The following NSD3 variants were observed in gnomAD, a reference collection of about 807,000 sequenced individuals.
The protein encoded by NSD3 is histone-lysine N-methyltransferase NSD3.
NSD3 carries 24 observed loss-of-function variants against 160.8 expected under a neutral mutation model. That is an observed-to-expected ratio of 0.15 (90% CI 0.11 to 0.21). The LOEUF is 0.21. NSD3 is among the 10% of genes least tolerant of loss of function. NSD3 has a pLI of 1.00. For missense variants in NSD3, 1,157 were observed against 1,735.9 expected, an observed-to-expected ratio of 0.67 and a Z score of 5.93; for synonymous variants, 520 against 600.0, an observed-to-expected ratio of 0.87 and a Z score of 1.95.
intron 6 of NSD3, among the ~76,000 whole-genome samples, chr8:38,327,592 A>C (rs951619436): frequency 2.0e-5 from 3 of 152,198 alleles, no homozygotes; most frequent in African/African-American, 7.2e-5. Flanking sequence ...CTAGGTGATA[A>C]ATGTCACTAA....
intron 1 of NSD3, among the ~76,000 whole-genome samples, chr8:38,367,906 G>C (rs553784192): frequency 6.6e-6 from 1 of 152,210 alleles, no homozygotes; most frequent in Non-Finnish European, 1.5e-5. Flanking sequence ...AAGGAATCAA[G>C]GTGTGTTAGA....
Position 38,318,999 on chromosome 8 carries a change from C to A in NSD3, c.1810-59G>T. 7.0e-7 allele frequency: 1 copy of A among 1,424,084 alleles called. No homozygotes were observed. Among genetic ancestry groups the A allele is most frequent in the Non-Finnish European group, 9.7e-7 (1 of 1,027,208 alleles). 88.2% of individuals were successfully genotyped at this position (1,424,084 alleles called of 1,614,324 possible). On this transcript the variant is annotated intron_variant, in intron 8 of 23. Transcript: ENST00000317025. This position sits in a 1 kb window ranked among gnomAD's most constrained non-coding sequence, Gnocchi z 5.3. ...AATTTTTTTCCCTTTTAATTATTAA[C>A]AGAGGGAAAAGATACTTTCATCAAT... is the stretch of plus-strand genomic sequence containing the variant.
chr8:38,277,743 A>T (rs1252603262), intron 22 of NSD3, among the ~76,000 whole-genome samples: 1 of 152,176 alleles, frequency 6.6e-6, no homozygotes, highest in African/African-American at 2.4e-5. Flanking sequence ...AAAAGTTTTA[A>T]ATTAGCTTTT....
At chr8:38,380,778 T>C (rs767196702) in intron 1 of NSD3, 3 of 152,240 alleles carry the variant, frequency 2.0e-5, no homozygotes, top group African/African-American at 4.8e-5. Context: ...ACAGTCTGAA[T>C]TGGCCCCTTC....
At chr8:38,291,474 A>G (rs995510155) in intron 16 of NSD3, among the ~76,000 whole-genome samples, 2 of 152,224 alleles carry the variant, frequency 1.3e-5, no homozygotes, top group Non-Finnish European at 2.9e-5. Flanking sequence ...TATGCTTAAT[A>G]AAACAATTTT....
chr8:38,373,379 C>T (rs775078488), intron 1 of NSD3, among the ~76,000 whole-genome samples: 3 of 152,216 alleles, frequency 2.0e-5, no homozygotes, highest in Admixed American at 6.5e-5. Context: ...TGTGCCACCA[C>T]GCCTAATTTT....
At position 38,299,556 on chromosome 8, in the gene NSD3, G is replaced by A. The variant is rs1389535727; in HGVS notation, c.2646C>T (p.Phe882=). Residue 882 remains phenylalanine (F), a synonymous_variant, in exon 15 of 24, where the codon TTC becomes TTT. Coordinates refer to ENST00000317025, the MANE Select transcript of NSD3 (RefSeq NM_023034.2). The part of the protein sequence containing the change: ...LIVQDHSDPM[F]SSYAYKSHYL... ...AGTGGGACTTATAGGCATATGAACT[G>A]AACATGGGGTCTGAATGGTCCTGAA... 1 of 1,612,718 alleles carries A rather than the reference G, an allele frequency of 6.2e-7. No individual in the cohort carries two copies.
chr8:38,281,359 C>G (rs2130984768), intron 20 of NSD3, 108 bp downstream of exon 20: 1 of 530,008 alleles, frequency 1.9e-6, no homozygotes, highest in African/African-American at 1.9e-5. Flanking sequence ...AATCATTATG[C>G]TCTGCCTGAA....
intron 1 of NSD3, among the ~76,000 whole-genome samples, chr8:38,366,200 T>G (rs554411469): frequency 1.5e-4 from 23 of 152,004 alleles, no homozygotes; most frequent in Non-Finnish European, 3.1e-4. Flanking sequence ...AGTCTGCTAG[T>G]AATTGCACTG....
At chr8:38,339,858 A>T (rs1022535844) in intron 2 of NSD3, among the ~76,000 whole-genome samples, 7 of 152,188 alleles carry the variant, frequency 4.6e-5, no homozygotes, top group Non-Finnish European at 7.3e-5. Flanking sequence ...CTATAGAAAT[A>T]TCCAAAACAA....
At chr8:38,342,137 G>A (rs1353403961) in intron 2 of NSD3, among the ~76,000 whole-genome samples, 1 of 152,154 alleles carries the variant, frequency 6.6e-6, no homozygotes, top group Non-Finnish European at 1.5e-5. Flanking sequence ...AGGGAGCGAA[G>A]GATGCCCAAG....
At chr8:38,338,667 A>G in intron 2 of NSD3, 60 bp from the exon 3 acceptor site, 12 of 1,271,282 alleles carry the variant, frequency 9.4e-6, no homozygotes, top group Non-Finnish European at 1.4e-5. Context: ...AACAAACAAA[A>G]AACAGTGACA....
chr8:38,322,426 G>A lies in NSD3; in HGVS notation c.1709-1254C>T, dbSNP rs1166385433. On this transcript the variant is annotated intron_variant, in intron 7 of 23. Coordinates refer to ENST00000317025, the MANE Select transcript of NSD3 (RefSeq NM_023034.2). ...ATATGCTACCCTCCCAGACCAACCT[G>A]AGGATCCGAGATCCATACTTTAGTA... Among the ~76,000 whole-genome samples the A allele has an allele frequency of 3.3e-5, 5 of 152,094 alleles. No individual in the cohort carries two copies. The East Asian group carries it at 5.8e-4, about 18-fold the overall frequency.
chr8:38,369,353 T>A (rs1207554065), intron 1 of NSD3, among the ~76,000 whole-genome samples: 2 of 152,180 alleles, frequency 1.3e-5, no homozygotes, highest in African/African-American at 4.8e-5. Context: ...GAAGTAAAAT[T>A]GGACTGGAAA....
At chr8:38,357,103 A>C (rs1265487136) in intron 1 of NSD3, among the ~76,000 whole-genome samples, 5 of 143,302 alleles carry the variant, frequency 3.5e-5, no homozygotes, top group Admixed American at 2.8e-4. Context: ...TGGGTGACAA[A>C]GCAAGACACC....
At chr8:38,284,812 T>C (rs538856466) in intron 19 of NSD3, among the ~76,000 whole-genome samples, 1 of 152,360 alleles carries the variant, frequency 6.6e-6, no homozygotes, top group East Asian at 1.9e-4. Context: ...TTTGTGACTT[T>C]AAAAGCTTGA....
rs1341789304 is a variant in NSD3 at position 38,304,640 on chromosome 8, C to T, written c.2558G>A (p.Arg853Gln). 2.6e-5 allele frequency: 42 copies of T among 1,613,522 alleles called. No individual in the cohort carries two copies. The highest frequency in any genetic ancestry group is 3.2e-5 in the Non-Finnish European group (38 of 1,179,808). The change falls in exon 14 of 24, where the codon CGG becomes CAG. Residue 853 changes from arginine to glutamine, a missense_variant. By Grantham distance (43) the Arg-to-Gln change is conservative. Transcript: ENST00000317025. Reference protein sequence around the residue: ...YILICSNHSKRSSNSSAVNVG... With the variant: ...YILICSNHSKQSSNSSAVNVG... The stretch of plus-strand genomic sequence containing the variant: ...ATTTACAGCAGAAGAATTACTGCTC[C>T]GTTTGGAATGATTACTACAGATGAG...
intron 5 of NSD3, among the ~76,000 whole-genome samples, chr8:38,330,354 ATGCATG>A (rs1470548265): frequency 6.6e-6 from 1 of 152,180 alleles, no homozygotes; most frequent in Non-Finnish European, 1.5e-5. Context: ...TTGAACCACA[ATGCATG>A]CAGGGACAGA....
chr8:38,354,903 C>T (rs1810787248), intron 1 of NSD3, among the ~76,000 whole-genome samples: 1 of 152,118 alleles, frequency 6.6e-6, no homozygotes. Flanking sequence ...ATTAAGAGGG[C>T]CATACTTCTT....
Sources: gnomAD v4.1 joint callset for allele counts (sites outside exome capture counted in the v4.1 genomes callset) on GRCh38, gnomAD v4.1.1 for gene constraint, Gnocchi (gnomAD v3.1) non-coding constraint, MANE v1.5 for transcripts, NCBI Gene and HGNC (gene_info 2026-07-23, HGNC 2026-07-21) for gene names.